Variants in RBM20 observed in about 807,000 individuals in gnomAD.
RBM20 encodes the protein RNA-binding protein 20.
A neutral mutation model predicts 110.1 loss-of-function variants in RBM20; 51 were observed. The ratio of observed to expected loss-of-function variants is 0.46; its 90% confidence interval spans 0.37 to 0.59. The LOEUF (loss-of-function observed/expected upper bound fraction) is 0.59. RBM20 is among the 20% of genes least tolerant of loss of function. The pLI, the probability that RBM20 is intolerant of heterozygous loss-of-function variation, is 0.00. For synonymous variants in RBM20, 589 were observed against 618.2 expected (o/e 0.95, Z 0.70); for missense variants, 1,512 against 1,574.9 (o/e 0.96, Z 0.68).
At chr10:110,796,384 C>T (rs1325167681) in intron 5 of RBM20, among the ~76,000 whole-genome samples, 2 of 152,172 alleles carry the variant, frequency 1.3e-5, no homozygotes, top group Non-Finnish European at 2.9e-5. Flanking sequence ...CAAAATTTTA[C>T]AACACTTGCT....
chr10:110,693,125 T>C (rs1862612336), intron 1 of RBM20, among the ~76,000 whole-genome samples: 1 of 152,176 alleles, frequency 6.6e-6, no homozygotes, highest in Admixed American at 6.5e-5. Flanking sequence ...TTGGTCATAG[T>C]GTATAATTCT....
At chr10:110,717,345 C>G (rs1863034568) in intron 1 of RBM20, among the ~76,000 whole-genome samples, 1 of 152,158 alleles carries the variant, frequency 6.6e-6, no homozygotes, top group African/African-American at 2.4e-5. Context: ...CCCTCCTCCC[C>G]CTCCTCCTCC....
At chr10:110,794,321 C>G (rs948884761) in intron 5 of RBM20, among the ~76,000 whole-genome samples, 2 of 152,132 alleles carry the variant, frequency 1.3e-5, no homozygotes. Flanking sequence ...GATGAACCAT[C>G]CTAAATAAAA....
At chr10:110,665,744 T>A (rs955802977) in intron 1 of RBM20, among the ~76,000 whole-genome samples, 7 of 152,194 alleles carry the variant, frequency 4.6e-5, no homozygotes, top group Non-Finnish European at 1.0e-4. Flanking sequence ...GTATTATTTA[T>A]TTGATTATGT....
At chr10:110,734,364 G>GC (rs968326623) in intron 1 of RBM20, among the ~76,000 whole-genome samples, 1 of 152,150 alleles carries the variant, frequency 6.6e-6, no homozygotes, top group Non-Finnish European at 1.5e-5. Flanking sequence ...TAGAGAAATG[G>GC]CCCCTCAAGA....
At chr10:110,651,894 C>T (rs574597766) in intron 1 of RBM20, among the ~76,000 whole-genome samples, 1 of 152,280 alleles carries the variant, frequency 6.6e-6, no homozygotes, top group South Asian at 2.1e-4. Flanking sequence ...CTGGCAATAG[C>T]AGAGTTGTGG....
intron 7 of RBM20, among the ~76,000 whole-genome samples, chr10:110,804,019 C>T (rs944360129): frequency 2.6e-5 from 4 of 152,096 alleles, no homozygotes; most frequent in Non-Finnish European, 5.9e-5. Flanking sequence ...GCTCTCTCCT[C>T]TAGGTGGCAT....
chr10:110,707,888 C>A (rs12259538), intron 1 of RBM20, among the ~76,000 whole-genome samples: 1 of 152,024 alleles, frequency 6.6e-6, no homozygotes, highest in Admixed American at 6.5e-5. Context: ...TAAAAATAAC[C>A]AGAAGAGTGG....
chr10:110,727,405 AT>A (rs147081692), intron 1 of RBM20, among the ~76,000 whole-genome samples: 80,125 of 138,982 alleles, frequency 0.58, 22,988 homozygotes, highest in East Asian at 0.97. Flanking sequence ...GTCTCAAAAA[AT>A]AAAAATAAAA....
At chr10:110,718,605 A>AT (rs1219794279) in intron 1 of RBM20, among the ~76,000 whole-genome samples, 4 of 92,998 alleles carry the variant, frequency 4.3e-5, no homozygotes, top group Admixed American at 1.1e-4. Flanking sequence ...ATTCTACTCC[A>AT]TTCTTTTTTT....
intron 1 of RBM20, among the ~76,000 whole-genome samples, chr10:110,713,265 G>A (rs940514388): frequency 1.3e-5 from 2 of 152,232 alleles, no homozygotes; most frequent in African/African-American, 4.8e-5. Context: ...CAGATCTGCT[G>A]TGTGGTCCTA....
intron 1 of RBM20, among the ~76,000 whole-genome samples, chr10:110,651,866 G>A (rs1861954059): frequency 6.6e-6 from 1 of 152,232 alleles, no homozygotes; most frequent in African/African-American, 2.4e-5. Flanking sequence ...TGTGGGGCCA[G>A]TGCTGCATCC....
At chr10:110,674,195 G>T (rs1472179501) in intron 1 of RBM20, among the ~76,000 whole-genome samples, 1 of 152,172 alleles carries the variant, frequency 6.6e-6, no homozygotes, top group East Asian at 1.9e-4. Context: ...GGAAGGAAGG[G>T]CTGGGCTTTA....
At chr10:110,764,752 A>G (rs1287345655) in intron 1 of RBM20, among the ~76,000 whole-genome samples, 1 of 152,186 alleles carries the variant, frequency 6.6e-6, no homozygotes, top group Non-Finnish European at 1.5e-5. Flanking sequence ...CATGCGCAAC[A>G]CCCAAAATGA....
At chr10:110,768,289 A>G (rs547451639) in intron 1 of RBM20, among the ~76,000 whole-genome samples, 1 of 152,068 alleles carries the variant, frequency 6.6e-6, no homozygotes, top group East Asian at 1.9e-4. Flanking sequence ...TTATGGCCAC[A>G]GCTTTGTAAG....
At position 110,812,395 on chromosome 10, in the gene RBM20, G is replaced by A; in HGVS notation, c.1998G>A (p.Arg666=). 6.4e-7 allele frequency: 1 copy of A among 1,551,690 alleles called. No homozygotes were observed. The change falls in exon 9 of 14, where the codon CGG becomes CGA. Residue 666 remains arginine, a synonymous_variant. Transcript: ENST00000369519. ...CCCACAGCCCTCCGGGCCCCTCCCG[G>A]GCTGACTGGGGCAATGGCCGGGACT... ...SSSHSPPGPS[R]ADWGNGRDSW... is the part of the protein sequence containing the mutation.
At chr10:110,718,414 C>T (rs1028284884) in intron 1 of RBM20, among the ~76,000 whole-genome samples, 2 of 152,142 alleles carry the variant, frequency 1.3e-5, no homozygotes, top group Non-Finnish European at 2.9e-5. Context: ...ACATGTGTCA[C>T]CACTGACAGC....
chr10:110,651,518 T>C (rs1861948988), intron 1 of RBM20, among the ~76,000 whole-genome samples: 1 of 152,230 alleles, frequency 6.6e-6, no homozygotes, highest in African/African-American at 2.4e-5. Flanking sequence ...AGTAGCACTT[T>C]CAGCTTGGGA....
At position 110,739,818 on chromosome 10, in the gene RBM20, C is replaced by T. The variant is rs884019; in HGVS notation, c.192-40983C>T. ...TGGCCTGAGTATTGGGTGATTGTTG[C>T]GGTCATGAAGGCATGAGGCTTCTGT... On this transcript the variant is annotated intron_variant, in intron 1 of 13. Transcript: ENST00000369519. The surrounding 1 kb of genome is among the most constrained non-coding windows in gnomAD (Gnocchi z 4.1). Among the ~76,000 whole-genome samples, 45,672 of 151,972 alleles carry T rather than the reference C, an allele frequency of 0.3. 7,708 individuals are homozygous for T. Among genetic ancestry groups the T allele is most frequent in the East Asian group, 0.44 (2,296 of 5,174 alleles).
Sources: gnomAD v4.1 joint callset for allele counts (sites outside exome capture counted in the v4.1 genomes callset) on GRCh38, gnomAD v4.1.1 for gene constraint, Gnocchi (gnomAD v3.1) non-coding constraint, MANE v1.5 for transcripts, NCBI Gene and HGNC (gene_info 2026-07-23, HGNC 2026-07-21) for gene names.